FAR2: variants seen among roughly 807,000 people sequenced by gnomAD.
FAR2 encodes the protein epididymis secretory protein Li 81.
In FAR2, 19 loss-of-function variants were observed where a neutral mutation model predicts 56.0. The observed-to-expected ratio is 0.34, with a 90% CI of 0.24 to 0.50. The LOEUF (loss-of-function observed/expected upper bound fraction) is 0.50. Among genes scored for constraint, FAR2 ranks in the 20% least tolerant of loss-of-function variants. FAR2 has a pLI of 0.98. For missense variants in FAR2, 508 were observed against 642.2 expected (o/e 0.79, Z 2.26); for synonymous variants, 219 against 218.8 (o/e 1.00, Z -0.01).
intron 1 of FAR2, among the ~76,000 whole-genome samples, chr12:29,153,608 A>G (rs1226425033): frequency 6.6e-6 from 1 of 152,162 alleles, no homozygotes; most frequent in Non-Finnish European, 1.5e-5. Flanking sequence ...AGACTGTTCT[A>G]ATTTCTATTT....
chr12:29,211,100 T>C (rs959023942), intron 1 of FAR2, among the ~76,000 whole-genome samples: 2 of 152,090 alleles, frequency 1.3e-5, no homozygotes, highest in African/African-American at 4.8e-5. Context: ...ATTTTTAGTC[T>C]GGCTTCTGCT....
At chr12:29,174,807 G>T (rs1279733936) in intron 1 of FAR2, among the ~76,000 whole-genome samples, 2 of 152,134 alleles carry the variant, frequency 1.3e-5, no homozygotes, top group Admixed American at 1.3e-4. Context: ...AGGAGGCAAG[G>T]GTCAGGATAG....
rs556012989 is a variant in FAR2 at position 29,179,036 on chromosome 12, A to G, written c.-39+29629A>G. ...CATCTTTTTCCTGTGTCTTCAGAAC[A>G]TTTTCTCTCTGTATGTGTTTGTGTG... On this transcript the variant is annotated intron_variant, in intron 1 of 11. Transcript: ENST00000536681. Among the ~76,000 whole-genome samples the G allele has an allele frequency of 8.3e-4, 126 of 152,020 alleles. 1 individual carries two copies. Among genetic ancestry groups the G allele is most frequent in the African/African-American group, 2.9e-3 (119 of 41,454 alleles).
intron 1 of FAR2, among the ~76,000 whole-genome samples, chr12:29,256,759 C>A (rs942498008): frequency 6.6e-6 from 1 of 152,224 alleles, no homozygotes; most frequent in Non-Finnish European, 1.5e-5. Context: ...CCCTGCCAGC[C>A]CCGGCAATGA....
intron 2 of FAR2, among the ~76,000 whole-genome samples, chr12:29,286,759 T>TAATA (rs2136737308): frequency 6.6e-6 from 1 of 152,322 alleles, no homozygotes; most frequent in Admixed American, 6.5e-5. Flanking sequence ...AAGAATAGCA[T>TAATA]AATATATGCT....
intron 8 of FAR2, 70 bp downstream of exon 8, chr12:29,312,020 T>G: frequency 8.6e-7 from 1 of 1,161,264 alleles, no homozygotes; most frequent in Non-Finnish European, 1.3e-6. Context: ...ACAAAGTGTG[T>G]CATGGAGCTT....
chr12:29,154,234 C>A (rs1165486619), intron 1 of FAR2, among the ~76,000 whole-genome samples: 2 of 152,024 alleles, frequency 1.3e-5, no homozygotes, highest in Admixed American at 1.3e-4. Flanking sequence ...AATTTACTCC[C>A]CTGCTTAAAA....
At chr12:29,186,902 C>T (rs1345341575) in intron 1 of FAR2, among the ~76,000 whole-genome samples, 2 of 152,076 alleles carry the variant, frequency 1.3e-5, no homozygotes, top group East Asian at 3.9e-4. Flanking sequence ...CATTCTCCTG[C>T]CTCAGCCTTC....
intron 1 of FAR2, among the ~76,000 whole-genome samples, chr12:29,248,826 TC>T (rs1948167056): frequency 6.6e-6 from 1 of 152,218 alleles, no homozygotes; most frequent in Non-Finnish European, 1.5e-5. Flanking sequence ...CCAGGGATGT[TC>T]CTTGCTGAGA....
intron 4 of FAR2, among the ~76,000 whole-genome samples, chr12:29,304,106 A>G (rs1949218789): frequency 6.6e-6 from 1 of 152,188 alleles, no homozygotes; most frequent in East Asian, 1.9e-4. Flanking sequence ...CACCATTGCC[A>G]CTGGACACTT....
intron 10 of FAR2, among the ~76,000 whole-genome samples, chr12:29,330,394 T>C (rs899622052): frequency 6.6e-6 from 1 of 152,138 alleles, no homozygotes; most frequent in Non-Finnish European, 1.5e-5. Flanking sequence ...TTGTCATGTT[T>C]CTCCATGCAA....
chr12:29,305,633 T>C (rs866022365), intron 4 of FAR2, among the ~76,000 whole-genome samples: 3 of 152,186 alleles, frequency 2.0e-5, no homozygotes, highest in Admixed American at 6.5e-5. Context: ...ACAAGTACAA[T>C]TGGAACTAGG....
At chr12:29,323,148 T>G (rs1368048815) in intron 10 of FAR2, among the ~76,000 whole-genome samples, 1 of 152,192 alleles carries the variant, frequency 6.6e-6, no homozygotes, top group Non-Finnish European at 1.5e-5. Context: ...CCTCACTCAT[T>G]GCTAGCACAG....
chr12:29,281,003 T>C (rs1377934803), intron 2 of FAR2: 9 of 152,278 alleles, frequency 5.9e-5, no homozygotes, highest in Non-Finnish European at 7.3e-5. Context: ...CTTTCCTCTC[T>C]TTCCCACACA....
chr12:29,273,951 T>C (rs1425409869), intron 2 of FAR2, among the ~76,000 whole-genome samples: 5 of 152,164 alleles, frequency 3.3e-5, no homozygotes. Context: ...TTCCTTCTCT[T>C]GGTGGGTCAC....
chr12:29,171,409 T>G (rs900665855), intron 1 of FAR2: 4 of 152,354 alleles, frequency 2.6e-5, no homozygotes, highest in Non-Finnish European at 4.4e-5. Context: ...TCTGCCCGGC[T>G]GCTGCCCCAT....
At chr12:29,298,344 G>T (rs1329460250) in intron 4 of FAR2, among the ~76,000 whole-genome samples, 2 of 149,772 alleles carry the variant, frequency 1.3e-5, no homozygotes, top group African/African-American at 2.4e-5. Context: ...GCAGAAAAAT[G>T]GACTATTTCA....
At chr12:29,275,322 G>T (rs375895050) in intron 2 of FAR2, among the ~76,000 whole-genome samples, 1 of 151,974 alleles carries the variant, frequency 6.6e-6, no homozygotes. Context: ...TTCACAAGAC[G>T]ATGTCATCAG....
chr12:29,239,178 C>T (rs1278484622), intron 1 of FAR2, among the ~76,000 whole-genome samples: 3 of 152,080 alleles, frequency 2.0e-5, no homozygotes, highest in Non-Finnish European at 2.9e-5. Context: ...GTTATAGGAC[C>T]TGCCTGTTCA....
Sources: gnomAD v4.1 joint callset for allele counts (sites outside exome capture counted in the v4.1 genomes callset) on GRCh38, gnomAD v4.1.1 for gene constraint, MANE v1.5 for transcripts, NCBI Gene and HGNC (gene_info 2026-07-23, HGNC 2026-07-21) for gene names.